The following KCNJ6 variants were observed in gnomAD, a reference collection of about 807,000 sequenced individuals.
KCNJ6 encodes G protein-activated inward rectifier potassium channel 2.
A neutral mutation model predicts 34.2 loss-of-function variants in KCNJ6; 9 were observed. The ratio of observed to expected loss-of-function variants is 0.26; its 90% CI spans 0.16 to 0.46. The LOEUF (loss-of-function observed/expected upper bound fraction) is 0.46. Among genes scored for constraint, KCNJ6 ranks in the 20% least tolerant of loss-of-function variants. The probability of loss-of-function intolerance (pLI) is 1.00; values close to 1 mark genes in which losing one functional copy is unlikely to be tolerated. For missense variants in KCNJ6, 236 were observed against 531.3 expected (o/e 0.44, Z 5.46); for synonymous variants, 196 against 207.1 (o/e 0.95, Z 0.46).
Position 37,616,592 on chromosome 21 carries a change from TA to T in KCNJ6, c.*8566del. On this transcript the variant is annotated 3_prime_UTR_variant, in exon 4 of 4. Transcript: ENST00000609713. ...TTATGAAGCAGGAACAAAATGTACA[TA>T]TATATATATATATATATATATATGG... 1.0e-5 allele frequency: 1 copy of T among 97,866 alleles called. No individual in the cohort carries two copies. The highest frequency in any genetic ancestry group is 3.4e-4 in the South Asian group (1 of 2,972). The allele number at this position is 97,866 out of a possible 1,614,324, so 6.1% of individuals were successfully genotyped here.
At position 37,624,849 on chromosome 21, in the gene KCNJ6, G is replaced by A. The variant is rs1187732914; in HGVS notation, c.*310C>T. 2 of 386,386 alleles carry A rather than the reference G, an allele frequency of 5.2e-6. No homozygotes were observed. Among genetic ancestry groups the A allele is most frequent in the African/African-American group, 2.0e-5 (1 of 49,230 alleles). The allele number at this position is 386,386 out of a possible 1,614,324, so 23.9% of individuals were successfully genotyped here. A position where few individuals can be genotyped will look rare whatever the true frequency, so the allele number is the denominator to read the frequency against. On this transcript the variant is annotated 3_prime_UTR_variant, in exon 4 of 4. Transcript: ENST00000609713. ...ACACCTTTTTGAGTGATCTGGTATT[G>A]TACAACACATGCAGGTAAGTAACTG...
intron 2 of KCNJ6, among the ~76,000 whole-genome samples, chr21:37,740,044 T>C (rs1315947998): frequency 6.6e-6 from 1 of 152,200 alleles, no homozygotes; most frequent in Non-Finnish European, 1.5e-5. Flanking sequence ...CAGTGTGGCT[T>C]GTGGAGGAAG....
At chr21:37,670,846 T>A (rs575685607) in intron 3 of KCNJ6, among the ~76,000 whole-genome samples, 1 of 152,358 alleles carries the variant, frequency 6.6e-6, no homozygotes, top group South Asian at 2.1e-4. Flanking sequence ...TTTATTTAGA[T>A]ATTCTTTCAT....
chr21:37,735,985 C>A (rs1361937312), intron 2 of KCNJ6, among the ~76,000 whole-genome samples: 1 of 151,340 alleles, frequency 6.6e-6, no homozygotes, highest in Non-Finnish European at 1.5e-5. Context: ...GGAGAATTCT[C>A]CCCCTCCGGG....
intron 2 of KCNJ6, among the ~76,000 whole-genome samples, chr21:37,800,775 T>C (rs1365904670): frequency 6.6e-6 from 1 of 152,226 alleles, no homozygotes. Context: ...TAAATCATCA[T>C]TGTCAGTGAT....
At chr21:37,810,648 A>C (rs9976886) in intron 2 of KCNJ6, among the ~76,000 whole-genome samples, 97,106 of 152,020 alleles carry the variant, frequency 0.64, 31,557 homozygotes, top group East Asian at 0.79. Context: ...TATTGACGTT[A>C]TTTTCATGTG....
intron 2 of KCNJ6, among the ~76,000 whole-genome samples, chr21:37,810,907 T>C (rs2055319509): frequency 6.6e-6 from 1 of 152,236 alleles, no homozygotes; most frequent in Admixed American, 6.5e-5. Flanking sequence ...ATAGAGTTCC[T>C]AATCCTTGTA....
At chr21:37,698,434 C>T (rs147008065) in intron 3 of KCNJ6, among the ~76,000 whole-genome samples, 3 of 152,342 alleles carry the variant, frequency 2.0e-5, no homozygotes, top group African/African-American at 7.2e-5. Flanking sequence ...CTGCTGTTCC[C>T]CTCCTCATCG....
rs16995632 is a variant in KCNJ6 at position 37,893,966 on chromosome 21, A to G, written c.-28+21918T>C. 9.4e-3 allele frequency among the ~76,000 whole-genome samples: 1,424 copies of G among 152,270 alleles called. 25 individuals carry two copies. Among genetic ancestry groups the G allele is most frequent in the African/African-American group, 0.032 (1,340 of 41,540 alleles). On this transcript the variant is annotated intron_variant, in intron 1 of 3. Transcript: ENST00000609713. ...CTTTCTCTTTCTTTTCACTGATTCT[A>G]TTCAACATCCTGCCTTCTGCAATCT...
At chr21:37,875,535 G>C (rs900345319) in intron 1 of KCNJ6, among the ~76,000 whole-genome samples, 22 of 152,192 alleles carry the variant, frequency 1.4e-4, no homozygotes, top group Non-Finnish European at 5.9e-5. Context: ...AGGGTTCCTC[G>C]GGGTTTAATT....
chr21:37,720,684 G>C (rs1369780931), intron 2 of KCNJ6, among the ~76,000 whole-genome samples: 1 of 147,974 alleles, frequency 6.8e-6, no homozygotes, highest in Non-Finnish European at 1.5e-5. Flanking sequence ...CACAGAATGG[G>C]AGAAAACATT....
chr21:37,719,982 C>T (rs992458427), intron 2 of KCNJ6, among the ~76,000 whole-genome samples: 7 of 151,918 alleles, frequency 4.6e-5, no homozygotes, highest in African/African-American at 1.7e-4. Flanking sequence ...TACTTTGAGA[C>T]TTTTTAATGT....
intron 1 of KCNJ6, among the ~76,000 whole-genome samples, chr21:37,905,916 T>A (rs748855691): frequency 6.6e-6 from 1 of 152,214 alleles, no homozygotes. Context: ...ATGTTTAGAA[T>A]GAAAGTAAAT....
intron 3 of KCNJ6, among the ~76,000 whole-genome samples, chr21:37,627,901 G>A (rs1277937038): frequency 3.3e-5 from 5 of 152,176 alleles, no homozygotes; most frequent in Non-Finnish European, 5.9e-5. Context: ...TTGGTTACTG[G>A]CTCTTAAGAG....
At chr21:37,866,880 T>C (rs1319225263) in intron 1 of KCNJ6, among the ~76,000 whole-genome samples, 1 of 152,228 alleles carries the variant, frequency 6.6e-6, no homozygotes, top group Non-Finnish European at 1.5e-5. Context: ...ACGCATTACT[T>C]AGAACATATC....
At chr21:37,768,188 T>G (rs1050275865) in intron 2 of KCNJ6, among the ~76,000 whole-genome samples, 2 of 152,042 alleles carry the variant, frequency 1.3e-5, no homozygotes, top group African/African-American at 2.4e-5. Context: ...GCTGCCGGGT[T>G]AACAGAGTTG....
rs1169338333 is a variant in KCNJ6, at chr21:37,610,362, A to G, written c.*14797T>C. On this transcript the variant is annotated 3_prime_UTR_variant, in exon 4 of 4. Transcript: ENST00000609713. ...AACATACCTTAACACATTTAAAAGA[A>G]TAGAAATTCTCAGATCACTTGGGAT... 1 of 152,116 alleles carries G rather than the reference A, an allele frequency of 6.6e-6. No individual in the cohort carries two copies. Among genetic ancestry groups the G allele is most frequent in the East Asian group, 1.9e-4 (1 of 5,192 alleles). The allele number at this position is 152,116 out of a possible 1,614,324, so 9.4% of individuals were successfully genotyped here.
intron 1 of KCNJ6, among the ~76,000 whole-genome samples, chr21:37,889,889 TA>T (rs1412701684): frequency 6.6e-6 from 1 of 152,200 alleles, no homozygotes; most frequent in East Asian, 1.9e-4. Flanking sequence ...GCACAAACCC[TA>T]TTTCCAGGTA....
At chr21:37,745,683 T>C (rs1601450209) in intron 2 of KCNJ6, among the ~76,000 whole-genome samples, 1 of 152,094 alleles carries the variant, frequency 6.6e-6, no homozygotes, top group East Asian at 1.9e-4. Context: ...AAAACAGGAG[T>C]AGGCAGATTC....
Sources: gnomAD v4.1 joint callset for allele counts (sites outside exome capture counted in the v4.1 genomes callset) on GRCh38, gnomAD v4.1.1 for gene constraint, MANE v1.5 for transcripts, NCBI Gene and HGNC (gene_info 2026-07-23, HGNC 2026-07-21) for gene names.